The following AKAP19 variants were observed in gnomAD, a reference collection of about 807,000 sequenced individuals.
The protein encoded by AKAP19 is small A-kinase anchoring protein.
the AKAP19 span, among the ~76,000 whole-genome samples, chr2:189,914,127 A>G: frequency 6.6e-6 from 1 of 152,074 alleles, no homozygotes; most frequent in Non-Finnish European, 1.5e-5. Flanking sequence ...GTCTTCCACT[A>G]CTGAACTGTC....
chr2:189,992,558 AATG>A, the AKAP19 span, among the ~76,000 whole-genome samples: 1 of 152,094 alleles, frequency 6.6e-6, no homozygotes, highest in Non-Finnish European at 1.5e-5. Context: ...TTCTGTGAAA[AATG>A]ATGATAGTAT....
chr2:189,930,489 C>T, the AKAP19 span: 12 of 215,686 alleles, frequency 5.6e-5, 1 homozygote, highest in African/African-American at 2.8e-4. Context: ...CCATCCTGGC[C>T]AACATAGTGA....
the AKAP19 span, among the ~76,000 whole-genome samples, chr2:189,953,709 A>C: frequency 6.6e-6 from 1 of 151,764 alleles, no homozygotes; most frequent in Non-Finnish European, 1.5e-5. Context: ...ACAATCTATG[A>C]GGTGATATTG....
the AKAP19 span, among the ~76,000 whole-genome samples, chr2:189,980,289 C>A: frequency 6.6e-6 from 1 of 152,182 alleles, no homozygotes; most frequent in Non-Finnish European, 1.5e-5. Flanking sequence ...AGGCCATTAT[C>A]CTAAGTGAAT....
At chr2:189,924,194 C>T in the AKAP19 span, 13 of 1,492,656 alleles carry the variant, frequency 8.7e-6, no homozygotes, top group Non-Finnish European at 1.2e-5. Flanking sequence ...AGAGACAGCG[C>T]CAATGGCGAG....
the AKAP19 span, among the ~76,000 whole-genome samples, chr2:189,981,010 G>C: frequency 2.6e-5 from 4 of 152,174 alleles, no homozygotes; most frequent in South Asian, 8.3e-4. Context: ...TTTTGGAATA[G>C]AGTATTCTGT....
chr2:190,057,096 A>G, the AKAP19 span: 1 of 696,896 alleles, frequency 1.4e-6, no homozygotes, highest in Non-Finnish European at 2.4e-6. Flanking sequence ...AATGCCAACC[A>G]TTGCATATAT....
At chr2:190,041,295 C>T in the AKAP19 span, among the ~76,000 whole-genome samples, 1 of 152,014 alleles carries the variant, frequency 6.6e-6, no homozygotes, top group Non-Finnish European at 1.5e-5. Flanking sequence ...ACTGGGATTG[C>T]CTTTCTGATT....
the AKAP19 span, among the ~76,000 whole-genome samples, chr2:190,153,014 G>C: frequency 6.6e-6 from 1 of 151,910 alleles, no homozygotes; most frequent in Admixed American, 6.6e-5. Flanking sequence ...TCCTGCCTCG[G>C]CCTCCTGAGT....
the AKAP19 span, among the ~76,000 whole-genome samples, chr2:190,140,601 C>T: frequency 2.6e-5 from 4 of 152,168 alleles, no homozygotes; most frequent in African/African-American, 9.7e-5. Flanking sequence ...GTACCTTGGC[C>T]CCTTTTAGCC....
chr2:190,179,088 G>T, the AKAP19 span, among the ~76,000 whole-genome samples: 912 of 152,286 alleles, frequency 6.0e-3, 31 homozygotes, highest in East Asian at 0.1. The surrounding 1 kb of genome is among the most constrained non-coding windows in gnomAD (Gnocchi z 6.0). Flanking sequence ...TTTGTTTTAT[G>T]TAAGTATAAT....
the AKAP19 span, among the ~76,000 whole-genome samples, chr2:190,181,746 C>G: frequency 1.3e-5 from 2 of 152,144 alleles, no homozygotes; most frequent in Non-Finnish European, 1.5e-5. Flanking sequence ...TTTTTAGGAT[C>G]TAGTGTATGT....
the AKAP19 span, among the ~76,000 whole-genome samples, chr2:190,101,154 C>T: frequency 8.7e-4 from 132 of 152,300 alleles, no homozygotes; most frequent in African/African-American, 2.9e-3. Context: ...AGTGTGGCCA[C>T]GCAGACATGT....
the AKAP19 span, chr2:190,200,510 TTTTG>T: frequency 0.27 from 51,352 of 188,750 alleles, 8,263 homozygotes; most frequent in East Asian, 0.44. Flanking sequence ...AAATAACAAT[TTTTG>T]TTTGTTTATA....
chr2:190,062,287 C>T, the AKAP19 span: 3 of 1,613,240 alleles, frequency 1.9e-6, no homozygotes, highest in Non-Finnish European at 2.5e-6. Flanking sequence ...TCCAAAGAGC[C>T]ATCGCTGCTG....
At chr2:190,191,745 A>G in the AKAP19 span, among the ~76,000 whole-genome samples, 3 of 152,262 alleles carry the variant, frequency 2.0e-5, no homozygotes, top group Admixed American at 2.0e-4. Flanking sequence ...ATGTACTTAT[A>G]TTTGCTATCT....
At chr2:189,935,397 G>A in the AKAP19 span, among the ~76,000 whole-genome samples, 2 of 151,884 alleles carry the variant, frequency 1.3e-5, no homozygotes, top group African/African-American at 2.4e-5. Context: ...AGTAAATATC[G>A]AAAAGATAAT....
At chr2:189,954,629 T>C in the AKAP19 span, among the ~76,000 whole-genome samples, 1 of 152,238 alleles carries the variant, frequency 6.6e-6, no homozygotes, top group Admixed American at 6.5e-5. Flanking sequence ...GAATGTTATA[T>C]ATATTTAAAA....
the AKAP19 span, chr2:190,056,426 A>G: frequency 6.6e-6 from 1 of 152,604 alleles, no homozygotes; most frequent in Non-Finnish European, 1.5e-5. Flanking sequence ...AGACAAAATT[A>G]CATACTTCTC....
Sources: allele counts gnomAD v4.1 joint callset (sites outside exome capture counted in the v4.1 genomes callset), GRCh38; gene constraint gnomAD v4.1.1; non-coding constraint Gnocchi (gnomAD v3.1); transcripts MANE v1.5; gene names NCBI Gene and HGNC (gene_info 2026-07-23, HGNC 2026-07-21).